The following TEAD1 variants were observed in gnomAD, a reference collection of about 807,000 sequenced individuals.
The protein encoded by TEAD1 is TEA domain transcription factor 1, also known as transcriptional enhancer factor TEF-1.
A neutral mutation model predicts 54.9 loss-of-function variants in TEAD1; 9 were observed. The observed-to-expected ratio is 0.16, with a 90% CI of 0.10 to 0.29. TEAD1 has a LOEUF of 0.29. Among genes scored for constraint, TEAD1 ranks in the 10% least tolerant of loss-of-function variants. The pLI, the probability that TEAD1 is intolerant of heterozygous loss-of-function variation, is 1.00. For synonymous variants in TEAD1, 200 were observed against 187.8 expected, an observed-to-expected ratio of 1.07 and a Z score of -0.53; for missense variants, 387 against 535.9, an observed-to-expected ratio of 0.72 and a Z score of 2.74.
At chr11:12,936,992 A>G (rs1949113045) in intron 12 of TEAD1, 117 bp from the exon 13 acceptor site, 5 of 716,148 alleles carry the variant, frequency 7.0e-6, no homozygotes, top group Admixed American at 2.1e-5. Flanking sequence ...AGTGAGGCTG[A>G]GCAAATCTCT....
chr11:12,800,660 G>A (rs1340241027), intron 3 of TEAD1, among the ~76,000 whole-genome samples: 1 of 152,224 alleles, frequency 6.6e-6, no homozygotes, highest in Non-Finnish European at 1.5e-5. Flanking sequence ...CAATGAAAGT[G>A]AATGGTGACA....
At chr11:12,896,925 G>A (rs1948324097) in intron 9 of TEAD1, among the ~76,000 whole-genome samples, 1 of 152,142 alleles carries the variant, frequency 6.6e-6, no homozygotes, top group Non-Finnish European at 1.5e-5. Flanking sequence ...TGTAAAACAG[G>A]CAGAGTGAGT....
chr11:12,922,935 A>AG (rs1948837213), intron 10 of TEAD1: 1 of 150,862 alleles, frequency 6.6e-6, no homozygotes, highest in Admixed American at 6.6e-5. Flanking sequence ...AAAAAAAAAA[A>AG]AAAAAAAAAA....
intron 2 of TEAD1, among the ~76,000 whole-genome samples, chr11:12,726,083 A>T: frequency 6.6e-6 from 1 of 152,230 alleles, no homozygotes; most frequent in South Asian, 2.1e-4. Flanking sequence ...CCTGTCTTCA[A>T]GGAACATAAA....
At chr11:12,913,070 G>T (rs749535649) in intron 10 of TEAD1, among the ~76,000 whole-genome samples, 1 of 152,136 alleles carries the variant, frequency 6.6e-6, no homozygotes, top group Non-Finnish European at 1.5e-5. Context: ...GAGAAGGAAA[G>T]AATTGATGTG....
intron 11 of TEAD1, among the ~76,000 whole-genome samples, chr11:12,926,148 G>A (rs1333564149): frequency 6.6e-6 from 1 of 152,156 alleles, no homozygotes; most frequent in Non-Finnish European, 1.5e-5. Flanking sequence ...GACCTTTCAG[G>A]TTCAAGAGCC....
At chr11:12,719,424 C>T (rs1338710403) in intron 2 of TEAD1, among the ~76,000 whole-genome samples, 1 of 152,118 alleles carries the variant, frequency 6.6e-6, no homozygotes, top group East Asian at 1.9e-4. Flanking sequence ...TTTTGCTCCA[C>T]CTCATGCCTT....
chr11:12,697,677 T>C (rs966708499), intron 2 of TEAD1, among the ~76,000 whole-genome samples: 5 of 152,334 alleles, frequency 3.3e-5, no homozygotes, highest in Admixed American at 3.3e-4. Context: ...ATGGAAACTC[T>C]GTGCTTTAAA....
At chr11:12,705,093 A>G (rs577887795) in intron 2 of TEAD1, among the ~76,000 whole-genome samples, 2 of 152,250 alleles carry the variant, frequency 1.3e-5, no homozygotes, top group Non-Finnish European at 2.9e-5. Context: ...CTTGACAGCC[A>G]TACTACTCTT....
At chr11:12,927,640 TTTATA>T (rs1948927101) in intron 11 of TEAD1, among the ~76,000 whole-genome samples, 1 of 152,190 alleles carries the variant, frequency 6.6e-6, no homozygotes, top group Admixed American at 6.5e-5. Flanking sequence ...TTGGAAAAAT[TTTATA>T]TTAAATATTT....
intron 2 of TEAD1, among the ~76,000 whole-genome samples, chr11:12,704,783 T>C (rs1326884206): frequency 6.6e-6 from 1 of 152,246 alleles, no homozygotes; most frequent in Non-Finnish European, 1.5e-5. Context: ...GGGATGATAA[T>C]AGCTAACATT....
At chr11:12,880,677 A>G (rs1040186861) in intron 6 of TEAD1, among the ~76,000 whole-genome samples, 1 of 152,244 alleles carries the variant, frequency 6.6e-6, no homozygotes, top group Admixed American at 6.5e-5. Context: ...GGGAGGGTAC[A>G]TGGATAAATC....
chr11:12,715,540 G>T (rs529875266), intron 2 of TEAD1, among the ~76,000 whole-genome samples: 1 of 152,078 alleles, frequency 6.6e-6, no homozygotes, highest in South Asian at 2.1e-4. Flanking sequence ...TCTGGAAGCC[G>T]CAGCAGGCTG....
chr11:12,887,451 T>C (rs191634314), intron 9 of TEAD1, among the ~76,000 whole-genome samples: 3 of 152,026 alleles, frequency 2.0e-5, no homozygotes, highest in African/African-American at 7.3e-5. Flanking sequence ...GGCCTGAAGG[T>C]TGGTTCTTGT....
chr11:12,882,079 C>A, intron 8 of TEAD1, 122 bp downstream of exon 8: 1 of 1,051,188 alleles, frequency 9.5e-7, no homozygotes, highest in East Asian at 2.5e-5. Flanking sequence ...TTGCCCCTGA[C>A]TTGCAGGATC....
chr11:12,802,501 C>T (rs947115799), intron 3 of TEAD1, among the ~76,000 whole-genome samples: 1 of 152,044 alleles, frequency 6.6e-6, no homozygotes, highest in African/African-American at 2.4e-5. Flanking sequence ...ATCTCACCGC[C>T]GCCCGACCCT....
chr11:12,888,863 A>ACGGT (rs1288409869), intron 9 of TEAD1, among the ~76,000 whole-genome samples: 1 of 152,218 alleles, frequency 6.6e-6, no homozygotes, highest in African/African-American at 2.4e-5. Flanking sequence ...AAAAGGCTAT[A>ACGGT]CGGTCCATTT....
At chr11:12,739,245 A>T (rs955618963) in intron 2 of TEAD1, among the ~76,000 whole-genome samples, 6 of 148,576 alleles carry the variant, frequency 4.0e-5, no homozygotes, top group Admixed American at 6.8e-5. Flanking sequence ...TCTATCTATC[A>T]GTCATCTATC....
intron 10 of TEAD1, among the ~76,000 whole-genome samples, chr11:12,904,096 C>T (rs1664630542): frequency 6.6e-6 from 1 of 152,064 alleles, no homozygotes; most frequent in African/African-American, 2.4e-5. Context: ...ACATGATTTG[C>T]CTTTTCCATT....
Sources: gnomAD v4.1 joint callset for allele counts (sites outside exome capture counted in the v4.1 genomes callset) on GRCh38, gnomAD v4.1.1 for gene constraint, MANE v1.5 for transcripts, NCBI Gene and HGNC (gene_info 2026-07-23, HGNC 2026-07-21) for gene names.